TMEM272: variants seen among roughly 807,000 people sequenced by gnomAD.
TMEM272 encodes transmembrane protein 272.
TMEM272 carries 8 observed loss-of-function variants against 3.7 expected under a neutral mutation model. That is an observed-to-expected ratio of 2.17 (90% confidence interval 1.27 to 3.91). The LOEUF is 3.91. Ranked by LOEUF, TMEM272 falls within the 30% of genes most tolerant of loss-of-function variation. The pLI, the probability that TMEM272 is intolerant of heterozygous loss-of-function variation, is 0.00. For synonymous variants in TMEM272, 63 were observed against 39.8 expected (o/e 1.58, Z -2.20); for missense variants, 166 against 91.5 (o/e 1.81, Z -3.32).
the TMEM272 span, among the ~76,000 whole-genome samples, chr13:51,851,397 GGAAGAAGAAGAACAA>G: frequency 4.9e-5 from 7 of 141,546 alleles, no homozygotes; most frequent in Admixed American, 3.5e-4. Flanking sequence ...AGGAGGAGGA[GGAAGAAGAAGAACAA>G]GAAGAAGAAG....
the TMEM272 span, among the ~76,000 whole-genome samples, chr13:51,874,629 A>G: frequency 6.6e-6 from 1 of 152,202 alleles, no homozygotes; most frequent in African/African-American, 2.4e-5. Flanking sequence ...CAAAGGAAAG[A>G]TGCCCCCTTG....
At chr13:51,820,661 G>A (rs979081481) in intron 4 of TMEM272, among the ~76,000 whole-genome samples, 2 of 152,214 alleles carry the variant, frequency 1.3e-5, no homozygotes, top group Admixed American at 1.3e-4. Context: ...AGTGAGAACA[G>A]GAGAGGCAGA....
At chr13:51,895,699 C>T in the TMEM272 span, among the ~76,000 whole-genome samples, 1 of 152,124 alleles carries the variant, frequency 6.6e-6, no homozygotes, top group Admixed American at 6.5e-5. Context: ...TCCCCCCACC[C>T]TCTGCCCTGG....
At chr13:51,934,335 G>A in the TMEM272 span, 48 of 296,898 alleles carry the variant, frequency 1.6e-4, no homozygotes, top group Non-Finnish European at 2.7e-4. Flanking sequence ...ACAGACAGGC[G>A]TCATCAGAAA....
At chr13:51,914,596 GC>G in the TMEM272 span, among the ~76,000 whole-genome samples, 1 of 152,216 alleles carries the variant, frequency 6.6e-6, no homozygotes, top group Non-Finnish European at 1.5e-5. Context: ...TGTGAGTTCA[GC>G]CTCTGACTCT....
the TMEM272 span, among the ~76,000 whole-genome samples, chr13:51,899,923 G>A: frequency 6.6e-6 from 1 of 152,120 alleles, no homozygotes; most frequent in Non-Finnish European, 1.5e-5. Context: ...TCAATAAGTG[G>A]TGCTGGGACA....
chr13:51,844,769 C>T (rs986145315), intron 1 of TMEM272, among the ~76,000 whole-genome samples: 6 of 152,196 alleles, frequency 3.9e-5, no homozygotes, highest in Admixed American at 3.9e-4. Context: ...ACACAACTTG[C>T]CTTCGCCCTG....
At chr13:51,880,082 G>T in the TMEM272 span, among the ~76,000 whole-genome samples, 1 of 152,184 alleles carries the variant, frequency 6.6e-6, no homozygotes, top group South Asian at 2.1e-4. Flanking sequence ...GGGGGTGGGA[G>T]GGGTCGTCAA....
intron 1 of TMEM272, among the ~76,000 whole-genome samples, chr13:51,843,225 T>C (rs1015199702): frequency 6.6e-6 from 1 of 152,218 alleles, no homozygotes; most frequent in Non-Finnish European, 1.5e-5. Context: ...ACCCAAGATA[T>C]GGATTTATTT....
the TMEM272 span, among the ~76,000 whole-genome samples, chr13:51,891,207 C>G: frequency 6.6e-6 from 1 of 152,340 alleles, no homozygotes; most frequent in East Asian, 1.9e-4. Context: ...TTCCCTTTCT[C>G]TTCAATCTTC....
At chr13:51,933,444 T>C in the TMEM272 span, 2 of 152,188 alleles carry the variant, frequency 1.3e-5, no homozygotes, top group African/African-American at 4.8e-5. Context: ...CTAAAACTAT[T>C]TTGTGTGGGA....
chr13:51,828,141 A>C (rs1956143701), intron 2 of TMEM272, among the ~76,000 whole-genome samples: 1 of 152,176 alleles, frequency 6.6e-6, no homozygotes, highest in Non-Finnish European at 1.5e-5. Flanking sequence ...CTTGATGCTA[A>C]ACTACTTCTG....
chr13:51,888,623 TTTC>T, the TMEM272 span, among the ~76,000 whole-genome samples: 3 of 147,002 alleles, frequency 2.0e-5, no homozygotes, highest in African/African-American at 7.5e-5. Context: ...ATTAATCCTT[TTTC>T]TTTTTTCTTT....
chr13:51,882,744 AAAAT>A, the TMEM272 span, among the ~76,000 whole-genome samples: 8 of 151,516 alleles, frequency 5.3e-5, no homozygotes, highest in African/African-American at 1.7e-4. Flanking sequence ...AAATATAATA[AAAAT>A]AAATAACAAA....
At chr13:51,878,132 T>C in the TMEM272 span, among the ~76,000 whole-genome samples, 1 of 152,110 alleles carries the variant, frequency 6.6e-6, no homozygotes, top group Admixed American at 6.5e-5. Context: ...ACGCCCCTTA[T>C]AAAACCATCA....
At chr13:51,822,692 T>C (rs556168107) in intron 3 of TMEM272, among the ~76,000 whole-genome samples, 13 of 152,296 alleles carry the variant, frequency 8.5e-5, no homozygotes, top group African/African-American at 2.6e-4. Context: ...CCATTGACCA[T>C]GCCACTCGCT....
chr13:51,897,613 G>GA, the TMEM272 span, among the ~76,000 whole-genome samples: 13 of 151,468 alleles, frequency 8.6e-5, no homozygotes, highest in East Asian at 2.0e-3. Flanking sequence ...TAATCTTCTT[G>GA]AAAAAAATAG....
chr13:51,917,056 G>A, the TMEM272 span, among the ~76,000 whole-genome samples: 1 of 152,166 alleles, frequency 6.6e-6, no homozygotes, highest in Non-Finnish European at 1.5e-5. Context: ...AGCCCTAGCT[G>A]CCCATCTGCT....
chr13:51,929,253 T>C, the TMEM272 span, among the ~76,000 whole-genome samples: 7 of 152,092 alleles, frequency 4.6e-5, no homozygotes, highest in Non-Finnish European at 8.8e-5. Context: ...CAGATGCACA[T>C]GATGATAAAA....
Sources: gnomAD v4.1 joint callset for allele counts (sites outside exome capture counted in the v4.1 genomes callset) on GRCh38, gnomAD v4.1.1 for gene constraint, MANE v1.5 for transcripts, NCBI Gene and HGNC (gene_info 2026-07-23, HGNC 2026-07-21) for gene names.